Variants in GTF3C5 observed in about 807,000 individuals in gnomAD.
GTF3C5 encodes the protein general transcription factor 3C polypeptide 5.
A neutral mutation model predicts 61.0 loss-of-function variants in GTF3C5; 47 were observed. The observed-to-expected ratio is 0.77, with a 90% CI of 0.61 to 0.98. The LOEUF (loss-of-function observed/expected upper bound fraction) is 0.98. Among genes scored for constraint, GTF3C5 ranks in the 50% least tolerant of loss-of-function variants. The pLI, the probability that GTF3C5 is intolerant of heterozygous loss-of-function variation, is 0.00. For synonymous variants in GTF3C5, 295 were observed against 275.4 expected, an observed-to-expected ratio of 1.07 and a Z score of -0.71; for missense variants, 659 against 703.3, an observed-to-expected ratio of 0.94 and a Z score of 0.71.
At chr9:133,052,214 C>T (rs759749957) in intron 5 of GTF3C5, 50 bp downstream of exon 5, 5 of 988,524 alleles carry the variant, frequency 5.1e-6, no homozygotes, top group East Asian at 2.5e-5. Flanking sequence ...CCATGTGGTC[C>T]CTGGTCCCTG....
At chr9:133,045,830 T>G (rs1850185717) in intron 3 of GTF3C5, among the ~76,000 whole-genome samples, 1 of 151,950 alleles carries the variant, frequency 6.6e-6, no homozygotes, top group South Asian at 2.1e-4. Flanking sequence ...AGAAATGAGG[T>G]TTCACCATAT....
chr9:133,041,922 A>G (rs1395706737), intron 1 of GTF3C5, among the ~76,000 whole-genome samples, 165 bp from the exon 2 acceptor site: 3 of 152,208 alleles, frequency 2.0e-5, no homozygotes, highest in Non-Finnish European at 4.4e-5. Flanking sequence ...ACTAAGATAC[A>G]TGGGTTTAAA....
At chr9:133,057,019 C>A in intron 10 of GTF3C5, 111 bp downstream of exon 10, 2 of 1,071,236 alleles carry the variant, frequency 1.9e-6, no homozygotes, top group Non-Finnish European at 2.6e-6. Flanking sequence ...GTGGCATCAT[C>A]TTGCCCCTGG....
intron 10 of GTF3C5, 77 bp downstream of exon 10, chr9:133,056,985 C>G: frequency 7.3e-7 from 1 of 1,369,250 alleles, no homozygotes; most frequent in Non-Finnish European, 9.7e-7. Context: ...CTAAGGGGAC[C>G]CATTCCTGGG....
chr9:133,055,322 G>A (rs1239656308), intron 8 of GTF3C5: 9 of 1,368,534 alleles, frequency 6.6e-6, no homozygotes, highest in Non-Finnish European at 8.6e-6. Context: ...CGAGAAGGGG[G>A]CATCCCGCAC....
intron 5 of GTF3C5, 39 bp downstream of exon 5, chr9:133,052,203 C>G: frequency 9.1e-7 from 1 of 1,096,626 alleles, no homozygotes; most frequent in East Asian, 2.4e-5. Flanking sequence ...TTGGTTTCCA[C>G]CCATGTGGTC....
At chr9:133,053,577 C>T (rs763134623) in intron 5 of GTF3C5, among the ~76,000 whole-genome samples, 29 of 152,112 alleles carry the variant, frequency 1.9e-4, no homozygotes, top group Non-Finnish European at 3.1e-4. Context: ...GAGTGAGACC[C>T]TCTCCCCCAA....
intron 10 of GTF3C5, 31 bp from the exon 11 acceptor site, chr9:133,057,783 A>G: frequency 6.5e-7 from 1 of 1,545,768 alleles, no homozygotes; most frequent in Middle Eastern, 2.2e-4. Context: ...CCTGCATGGG[A>G]CACCCATGGC....
chr9:133,038,282 G>T (rs1849934965), intron 1 of GTF3C5, among the ~76,000 whole-genome samples: 1 of 152,076 alleles, frequency 6.6e-6, no homozygotes, highest in Admixed American at 6.6e-5. Context: ...TTGCTGGACG[G>T]CGGCTGAAGG....
chr9:133,037,455 C>T (rs556679063), intron 1 of GTF3C5, among the ~76,000 whole-genome samples: 1 of 152,172 alleles, frequency 6.6e-6, no homozygotes, highest in Admixed American at 6.5e-5. Context: ...ATTCTGCCTT[C>T]TAAGGGGATG....
At position 133,058,124 on chromosome 9, in the gene GTF3C5, C is replaced by T; in HGVS notation, c.*144C>T. 1 of 1,490,528 alleles carries T rather than the reference C, an allele frequency of 6.7e-7. No homozygotes were observed. Among genetic ancestry groups the T allele is most frequent in the South Asian group, 1.4e-5 (1 of 73,340 alleles). The allele number at this position is 1,490,528 out of a possible 1,614,324, so 92.3% of individuals were successfully genotyped here. A position where few individuals can be genotyped will look rare whatever the true frequency, so the allele number is the denominator to read the frequency against. On this transcript the variant is annotated 3_prime_UTR_variant, in exon 11 of 11. Coordinates refer to ENST00000372097, the MANE Select transcript of GTF3C5 (RefSeq NM_012087.4). ...AGAGCTAGAGTCCCAGCAAAGGGTG[C>T]AGCTGACCCTAGCACTGGCTGTGAC...
At chr9:133,030,790 T>C (rs917001166), upstream of GTF3C5, 2 of 648,448 alleles carry the variant, frequency 3.1e-6, no homozygotes, top group Non-Finnish European at 5.7e-6. Context: ...CGCTTAATTT[T>C]AAATAAAAAG....
At chr9:133,055,579 A>C (rs1829914099) in intron 8 of GTF3C5, 4 of 985,332 alleles carry the variant, frequency 4.1e-6, no homozygotes, top group Admixed American at 6.1e-5. Flanking sequence ...GGAGAGAGCA[A>C]ACACTCACTA....
chr9:133,049,611 G>GT (rs1474464848), intron 3 of GTF3C5, among the ~76,000 whole-genome samples: 2 of 152,182 alleles, frequency 1.3e-5, no homozygotes, highest in Non-Finnish European at 2.9e-5. Context: ...TGACGGGCTT[G>GT]TGGGGGTTCT....
intron 7 of GTF3C5, 83 bp from the exon 8 acceptor site, chr9:133,054,629 G>A (rs1829873871): frequency 1.4e-6 from 2 of 1,425,150 alleles, no homozygotes; most frequent in East Asian, 5.0e-5. Flanking sequence ...GGGTGGGCTG[G>A]CAGGAGGGCA....
intron 1 of GTF3C5, among the ~76,000 whole-genome samples, chr9:133,038,297 A>G (rs969051798): frequency 6.6e-6 from 1 of 151,504 alleles, no homozygotes; most frequent in Non-Finnish European, 1.5e-5. Flanking sequence ...TGAAGGGGAG[A>G]GTCTACCCGG....
At chr9:133,034,087 G>A (rs553364572) in intron 1 of GTF3C5, among the ~76,000 whole-genome samples, 1 of 152,180 alleles carries the variant, frequency 6.6e-6, no homozygotes, top group Non-Finnish European at 1.5e-5. Context: ...AATACAGAGG[G>A]TTCTTGGGCC....
chr9:133,041,528 C>A (rs541544621), intron 1 of GTF3C5, among the ~76,000 whole-genome samples: 40 of 152,340 alleles, frequency 2.6e-4, no homozygotes, highest in Non-Finnish European at 4.3e-4. Flanking sequence ...GACACATAAC[C>A]CACGTGACCT....
chr9:133,036,777 T>C (rs55772607), intron 1 of GTF3C5, among the ~76,000 whole-genome samples: 5,090 of 152,202 alleles, frequency 0.033, 99 homozygotes, highest in South Asian at 0.077. Context: ...ATCCTAGGAA[T>C]GTTACGAGTT....
Sources: gnomAD v4.1 joint callset for allele counts (sites outside exome capture counted in the v4.1 genomes callset) on GRCh38, gnomAD v4.1.1 for gene constraint, MANE v1.5 for transcripts, NCBI Gene and HGNC (gene_info 2026-07-23, HGNC 2026-07-21) for gene names.